TASP1: variants seen among roughly 807,000 people sequenced by gnomAD.
TASP1 encodes taspase 1.
A neutral mutation model predicts 56.6 loss-of-function variants in TASP1; 16 were observed. That is an observed-to-expected ratio of 0.28 (90% confidence interval 0.19 to 0.43). The LOEUF is 0.43. Ranked by LOEUF, TASP1 falls within the 20% of genes least tolerant of loss-of-function variation. The pLI is 1.00. For missense variants in TASP1, 393 were observed against 511.6 expected, an observed-to-expected ratio of 0.77 and a Z score of 2.24; for synonymous variants, 179 against 184.2, an observed-to-expected ratio of 0.97 and a Z score of 0.23.
the TASP1 span, among the ~76,000 whole-genome samples, chr20:13,265,981 A>C: frequency 6.6e-6 from 1 of 152,144 alleles, no homozygotes; most frequent in Non-Finnish European, 1.5e-5. Flanking sequence ...GCCTCATTTC[A>C]CGTCAAGCCT....
the TASP1 span, among the ~76,000 whole-genome samples, chr20:13,298,209 G>A: frequency 2.0e-5 from 3 of 152,116 alleles, no homozygotes; most frequent in African/African-American, 4.8e-5. Flanking sequence ...AGGTTCAAGC[G>A]ATTCTCCTGC....
intron 8 of TASP1, among the ~76,000 whole-genome samples, chr20:13,549,761 T>C (rs1407086317): frequency 2.0e-5 from 3 of 152,108 alleles, no homozygotes; most frequent in Non-Finnish European, 4.4e-5. Flanking sequence ...GCTGGGACTA[T>C]TCCAATGATA....
chr20:13,564,080 C>A (rs1378651342), intron 7 of TASP1, among the ~76,000 whole-genome samples: 2 of 151,978 alleles, frequency 1.3e-5, no homozygotes, highest in Non-Finnish European at 2.9e-5. Flanking sequence ...TACTGGAAGT[C>A]CTAGCCAAGG....
intron 4 of TASP1, chr20:13,600,398 A>G (rs1004664248): frequency 1.3e-5 from 2 of 152,210 alleles, no homozygotes; most frequent in Non-Finnish European, 2.9e-5. Flanking sequence ...TATATAGATG[A>G]AAGAGATGGA....
the TASP1 span, among the ~76,000 whole-genome samples, chr20:13,383,147 A>G: frequency 1.3e-5 from 2 of 152,222 alleles, no homozygotes; most frequent in African/African-American, 4.8e-5. Context: ...AGGGCCTTGT[A>G]GGAACTCTGG....
intron 4 of TASP1, among the ~76,000 whole-genome samples, chr20:13,589,034 A>G (rs1351181368): frequency 6.6e-6 from 1 of 152,020 alleles, no homozygotes; most frequent in African/African-American, 2.4e-5. Context: ...ACAATTCAAT[A>G]AAGAAGGTAT....
At chr20:13,560,636 A>G (rs930938709) in intron 7 of TASP1, among the ~76,000 whole-genome samples, 1 of 152,134 alleles carries the variant, frequency 6.6e-6, no homozygotes, top group Admixed American at 6.6e-5. Flanking sequence ...AAACAGGGAG[A>G]AGGTAGAGAA....
the TASP1 span, among the ~76,000 whole-genome samples, chr20:13,182,198 C>T: frequency 5.9e-5 from 9 of 152,158 alleles, no homozygotes; most frequent in Non-Finnish European, 1.2e-4. Flanking sequence ...CCTTCATTGC[C>T]TGTCAAACTC....
At chr20:13,373,456 G>T in the TASP1 span, among the ~76,000 whole-genome samples, 3 of 143,570 alleles carry the variant, frequency 2.1e-5, no homozygotes, top group Admixed American at 6.9e-5. Flanking sequence ...AATTCTTTCA[G>T]TTTTTTTTTT....
intron 11 of TASP1, among the ~76,000 whole-genome samples, chr20:13,444,782 C>T (rs931706228): frequency 6.6e-6 from 1 of 152,072 alleles, no homozygotes; most frequent in Non-Finnish European, 1.5e-5. Flanking sequence ...AAGAAAGAAC[C>T]TTAGGCATAT....
chr20:13,359,229 G>C, the TASP1 span, among the ~76,000 whole-genome samples: 1 of 146,740 alleles, frequency 6.8e-6, no homozygotes, highest in Non-Finnish European at 1.5e-5. Context: ...TCCCACAGGA[G>C]CTTGCTACAC....
chr20:13,138,041 C>G, the TASP1 span, among the ~76,000 whole-genome samples: 2 of 152,192 alleles, frequency 1.3e-5, no homozygotes, highest in African/African-American at 4.8e-5. Context: ...CCAGGGAGAC[C>G]TTCCCTAAAC....
the TASP1 span, among the ~76,000 whole-genome samples, chr20:13,332,810 T>C: frequency 2.0e-4 from 30 of 152,364 alleles, no homozygotes; most frequent in African/African-American, 7.2e-4. Flanking sequence ...TGCCATTTTC[T>C]TCTTTCTGCA....
the TASP1 span, chr20:13,126,708 A>G: frequency 6.2e-7 from 1 of 1,613,948 alleles, no homozygotes; most frequent in Non-Finnish European, 8.5e-7. Flanking sequence ...ACTGGATGGG[A>G]CCACTCAAGG....
At chr20:13,122,908 C>G in the TASP1 span, among the ~76,000 whole-genome samples, 1 of 152,186 alleles carries the variant, frequency 6.6e-6, no homozygotes, top group African/African-American at 2.4e-5. Context: ...CGTAGTCACA[C>G]AACCTTAGAA....
chr20:13,512,389 C>G (rs181951587), intron 10 of TASP1, among the ~76,000 whole-genome samples: 2 of 152,186 alleles, frequency 1.3e-5, no homozygotes, highest in African/African-American at 4.8e-5. Context: ...TGTCTGTTGG[C>G]TGCATAAATG....
the TASP1 span, among the ~76,000 whole-genome samples, chr20:13,185,974 TGGGCATCCAG>T: frequency 6.6e-6 from 1 of 152,172 alleles, no homozygotes; most frequent in African/African-American, 2.4e-5. Flanking sequence ...CTCCAAAATC[TGGGCATCCAG>T]GGGCATCCAG....
chr20:13,566,452 C>T (rs1241893443), intron 7 of TASP1, among the ~76,000 whole-genome samples: 4 of 149,110 alleles, frequency 2.7e-5, no homozygotes, highest in Non-Finnish European at 5.9e-5. Context: ...AATGGCTAAA[C>T]AGTAGTAGTA....
the TASP1 span, among the ~76,000 whole-genome samples, chr20:13,215,194 G>C: frequency 0.02 from 3,097 of 152,308 alleles, 54 homozygotes; most frequent in Non-Finnish European, 0.031. Context: ...CTGCTACCAA[G>C]TCCCTGTGCA....
Sources: gnomAD v4.1 joint callset for allele counts (sites outside exome capture counted in the v4.1 genomes callset) on GRCh38, gnomAD v4.1.1 for gene constraint, MANE v1.5 for transcripts, NCBI Gene and HGNC (gene_info 2026-07-23, HGNC 2026-07-21) for gene names.